DLGAP1: variants seen among roughly 807,000 people sequenced by gnomAD.
DLGAP1 encodes DLG associated protein 1, also known as disks large-associated protein 1.
A neutral mutation model predicts 90.8 loss-of-function variants in DLGAP1; 11 were observed. That is an observed-to-expected ratio of 0.12 (90% CI 0.08 to 0.20). DLGAP1 has a LOEUF of 0.20. Ranked by LOEUF, DLGAP1 falls within the 10% of genes least tolerant of loss-of-function variation. The probability of loss-of-function intolerance (pLI) is 1.00; values close to 1 mark genes in which losing one functional copy is unlikely to be tolerated. For missense variants in DLGAP1, 1,050 were observed against 1,333.8 expected, an observed-to-expected ratio of 0.79 and a Z score of 3.31; for synonymous variants, 558 against 540.7, an observed-to-expected ratio of 1.03 and a Z score of -0.44.
At chr18:4,307,669 G>A (rs544400840) in intron 1 of DLGAP1, among the ~76,000 whole-genome samples, 1 of 150,358 alleles carries the variant, frequency 6.7e-6, no homozygotes, top group Non-Finnish European at 1.5e-5. Flanking sequence ...ACTCTGCCCC[G>A]CCAGCACTCT....
intron 3 of DLGAP1, among the ~76,000 whole-genome samples, chr18:4,003,223 C>T (rs762796613): frequency 2.6e-5 from 4 of 152,152 alleles, no homozygotes; most frequent in Non-Finnish European, 4.4e-5. Flanking sequence ...AGGCCTCCTC[C>T]GGGTTGTAGT....
At chr18:4,288,075 T>TTA (rs2079748024) in intron 1 of DLGAP1, among the ~76,000 whole-genome samples, 2 of 151,874 alleles carry the variant, frequency 1.3e-5, no homozygotes, top group Non-Finnish European at 2.9e-5. Context: ...AATTTTTTAT[T>TTA]ATTATACTTT....
intron 7 of DLGAP1, among the ~76,000 whole-genome samples, chr18:3,638,002 A>G (rs1370962849): frequency 2.9e-5 from 4 of 136,928 alleles, no homozygotes; most frequent in African/African-American, 8.5e-5. Context: ...GCTGGAATGC[A>G]GTGGCATGAT....
At chr18:3,892,688 C>T (rs927231241) in intron 3 of DLGAP1, among the ~76,000 whole-genome samples, 2 of 151,752 alleles carry the variant, frequency 1.3e-5, no homozygotes, top group Non-Finnish European at 2.9e-5. Flanking sequence ...TATAATGCAC[C>T]AAGTGAAAGC....
chr18:3,781,022 CTTG>C (rs1282566076), intron 5 of DLGAP1, among the ~76,000 whole-genome samples: 5 of 152,038 alleles, frequency 3.3e-5, no homozygotes, highest in Non-Finnish European at 7.4e-5. Flanking sequence ...TGTGGTCGGT[CTTG>C]TTATGTTTCC....
chr18:3,892,355 C>T (rs1408909574), intron 3 of DLGAP1, among the ~76,000 whole-genome samples: 1 of 152,116 alleles, frequency 6.6e-6, no homozygotes, highest in Non-Finnish European at 1.5e-5. Context: ...TCTCCCCACC[C>T]CATACCCCAC....
chr18:3,760,220 C>A (rs2063903574), intron 5 of DLGAP1, among the ~76,000 whole-genome samples: 1 of 152,032 alleles, frequency 6.6e-6, no homozygotes, highest in Non-Finnish European at 1.5e-5. Context: ...GACATTGTGA[C>A]AAGAGGCCCA....
At chr18:3,982,206 C>G (rs2073746085) in intron 3 of DLGAP1, among the ~76,000 whole-genome samples, 1 of 152,182 alleles carries the variant, frequency 6.6e-6, no homozygotes, top group Non-Finnish European at 1.5e-5. Context: ...CATACAGGAT[C>G]TTAACCATTT....
At chr18:4,101,361 G>T (rs1371577280) in intron 2 of DLGAP1, among the ~76,000 whole-genome samples, 7 of 152,160 alleles carry the variant, frequency 4.6e-5, no homozygotes. Flanking sequence ...GATTAAGTTT[G>T]CTGCCTTATA....
chr18:3,531,763 A>G (rs964317882), intron 10 of DLGAP1, among the ~76,000 whole-genome samples: 4 of 152,132 alleles, frequency 2.6e-5, no homozygotes, highest in Non-Finnish European at 5.9e-5. Context: ...GATTATAGGC[A>G]TGAGCCACCG....
At chr18:4,162,862 T>C (rs762561712) in intron 1 of DLGAP1, among the ~76,000 whole-genome samples, 22 of 152,102 alleles carry the variant, frequency 1.4e-4, no homozygotes, top group Non-Finnish European at 2.9e-4. Context: ...GTTCCTTAAT[T>C]ACAATATTTT....
intron 3 of DLGAP1, among the ~76,000 whole-genome samples, chr18:3,904,627 T>A (rs1218047125): frequency 6.6e-6 from 1 of 152,304 alleles, no homozygotes; most frequent in East Asian, 1.9e-4. Context: ...CAGGAGAAAA[T>A]GCTCCTGATT....
chr18:3,738,580 A>C (rs1312029141), intron 6 of DLGAP1, among the ~76,000 whole-genome samples: 1 of 151,978 alleles, frequency 6.6e-6, no homozygotes, highest in Admixed American at 6.6e-5. Flanking sequence ...ATATGTAGAA[A>C]GCTGAAACTG....
At chr18:4,436,145 T>C (rs1304229926) in intron 1 of DLGAP1, among the ~76,000 whole-genome samples, 2 of 152,174 alleles carry the variant, frequency 1.3e-5, no homozygotes, top group African/African-American at 2.4e-5. Context: ...ATAAACATGG[T>C]CATATTAGGG....
intron 7 of DLGAP1, among the ~76,000 whole-genome samples, chr18:3,672,045 T>G (rs1207772493): frequency 6.6e-6 from 1 of 152,184 alleles, no homozygotes; most frequent in Non-Finnish European, 1.5e-5. Flanking sequence ...AAAAGCATTA[T>G]TAAAAAGGAA....
rs1040037396 is a variant in DLGAP1 at position 3,711,927 on chromosome 18, A to G, written c.1591+17208T>C. Among the ~76,000 whole-genome samples, 1 of 152,090 alleles carries G rather than the reference A, an allele frequency of 6.6e-6. No individual in the cohort carries two copies. Among genetic ancestry groups the G allele is most frequent in the African/African-American group, 2.4e-5 (1 of 41,424 alleles). On this transcript the variant is annotated intron_variant, in intron 7 of 12. Transcript: ENST00000315677. The surrounding 1 kb of genome is among the most constrained non-coding windows in gnomAD (Gnocchi z 4.0). ...TGGTTTAGGGATGGGGAGTGTGGGGATGGGCTGTGGGAAGGGAGGCATACA... is the reference window on the plus strand; with the variant it reads ...TGGTTTAGGGATGGGGAGTGTGGGGGTGGGCTGTGGGAAGGGAGGCATACA...
At chr18:4,427,504 T>C (rs879100109) in intron 1 of DLGAP1, among the ~76,000 whole-genome samples, 1 of 152,180 alleles carries the variant, frequency 6.6e-6, no homozygotes, top group Admixed American at 6.5e-5. Context: ...AAGAGCTTGT[T>C]CTTCAGGGAG....
intron 3 of DLGAP1, among the ~76,000 whole-genome samples, chr18:3,981,458 G>A (rs993407731): frequency 2.0e-5 from 3 of 152,228 alleles, no homozygotes; most frequent in African/African-American, 7.2e-5. Context: ...AGGAGGCAGG[G>A]CTGTGAGGTG....
intron 1 of DLGAP1, among the ~76,000 whole-genome samples, chr18:4,193,341 G>A (rs1240344981): frequency 2.0e-5 from 3 of 152,058 alleles, no homozygotes; most frequent in South Asian, 2.1e-4. Context: ...TTGAAACTAG[G>A]TCAAAAGTAA....
Sources: allele counts gnomAD v4.1 joint callset (sites outside exome capture counted in the v4.1 genomes callset), GRCh38; gene constraint gnomAD v4.1.1; non-coding constraint Gnocchi (gnomAD v3.1); transcripts MANE v1.5; gene names NCBI Gene and HGNC (gene_info 2026-07-23, HGNC 2026-07-21).